Variants in UGT2B11 observed in about 807,000 individuals in gnomAD.
UGT2B11 encodes UDP glucuronosyltransferase family 2 member B11.
UGT2B11 carries 49 observed loss-of-function variants against 51.7 expected under a neutral mutation model. The ratio of observed to expected loss-of-function variants is 0.95; its 90% CI spans 0.75 to 1.20. UGT2B11 has a LOEUF of 1.20. UGT2B11 is among the 50% of genes most tolerant of loss of function. The pLI, the probability that UGT2B11 is intolerant of heterozygous loss-of-function variation, is 0.00. For missense variants in UGT2B11, 810 were observed against 622.1 expected, an observed-to-expected ratio of 1.30 and a Z score of -3.21; for synonymous variants, 273 against 209.0, an observed-to-expected ratio of 1.31 and a Z score of -2.64.
intron 5 of UGT2B11, among the ~76,000 whole-genome samples, 187 bp from the exon 6 acceptor site, chr4:69,200,906 G>C (rs1479658842): frequency 6.6e-6 from 1 of 151,150 alleles, no homozygotes; most frequent in Non-Finnish European, 1.5e-5. Flanking sequence ...TTTTCTCATT[G>C]ACAAACATTT....
the UGT2B11 span, among the ~76,000 whole-genome samples, chr4:69,222,848 G>A: frequency 6.6e-6 from 1 of 152,140 alleles, no homozygotes; most frequent in East Asian, 1.9e-4. Context: ...CATAGTTTGG[G>A]TGCCTTATAA....
In UGT2B11 at chr4:69,214,256, C is replaced by G; in HGVS notation, c.467G>C (p.Cys156Ser). Residue 156 changes from cysteine to serine, a missense_variant, in exon 1 of 6, where the codon TGT (cysteine) becomes TCT (serine). Physicochemically the swap from Cys to Ser is moderately radical, Grantham distance 112 (BLOSUM62 -1). Coordinates refer to ENST00000446444, the MANE Select transcript of UGT2B11 (RefSeq NM_001073.3). ...AAGTAGCGCAGCCAGCAGCTCACCA[C>G]AGGGAAAAACAGCATCTGCAAAAAC... The part of the protein sequence containing the change: ...DIVFADAVFP[C>S]GELLAALLNI... 6.2e-7 allele frequency: 1 copy of G among 1,613,226 alleles called. No individual in the cohort carries two copies. The highest frequency in any genetic ancestry group is 1.1e-5 in the South Asian group (1 of 91,062).
chr4:69,208,633 T>C (rs1200473661), intron 2 of UGT2B11, 151 bp from the exon 3 acceptor site: 30 of 1,420,222 alleles, frequency 2.1e-5, no homozygotes, highest in Admixed American at 7.6e-5. Flanking sequence ...TTCAGTTTCT[T>C]TGCAAGAAGA....
the UGT2B11 span, among the ~76,000 whole-genome samples, chr4:69,223,463 T>G: frequency 6.6e-6 from 1 of 152,192 alleles, no homozygotes; most frequent in Non-Finnish European, 1.5e-5. Flanking sequence ...AAACTTCCGT[T>G]GTCCCTGCTG....
intron 3 of UGT2B11, among the ~76,000 whole-genome samples, chr4:69,207,004 C>A (rs1387368244): frequency 6.6e-6 from 1 of 151,536 alleles, no homozygotes; most frequent in Non-Finnish European, 1.5e-5. Flanking sequence ...CACTATTTCC[C>A]AGAAAAATTT....
chr4:69,218,549 G>A (rs1250570099), upstream of UGT2B11, among the ~76,000 whole-genome samples: 11 of 152,150 alleles, frequency 7.2e-5, no homozygotes, highest in East Asian at 2.1e-3. Flanking sequence ...AATAATAGAA[G>A]AGTGAGGACT....
upstream of UGT2B11, chr4:69,214,814 C>G (rs1577968080): frequency 6.6e-6 from 10 of 1,519,506 alleles, no homozygotes; most frequent in East Asian, 2.3e-4. Context: ...TATAACTCCT[C>G]CAATCCAAAG....
intron 5 of UGT2B11, among the ~76,000 whole-genome samples, chr4:69,201,746 G>T (rs112842704): frequency 6.6e-6 from 1 of 151,512 alleles, no homozygotes; most frequent in African/African-American, 2.4e-5. Context: ...TCTATTTTCT[G>T]TCCTTATTTT....
chr4:69,208,899 T>G (rs13113479), intron 2 of UGT2B11, among the ~76,000 whole-genome samples: 152 of 144,332 alleles, frequency 1.1e-3, no homozygotes, highest in South Asian at 1.8e-3. Context: ...ATTTCAGGCA[T>G]GTTTTCTGTA....
At chr4:69,216,705 A>G (rs1299733734), upstream of UGT2B11, 1 of 151,850 alleles carries the variant, frequency 6.6e-6, no homozygotes, top group Non-Finnish European at 1.5e-5. Context: ...TCAATGTCAC[A>G]ATGATTTAAG....
intron 1 of UGT2B11, 112 bp from the exon 2 acceptor site, chr4:69,212,833 T>TATATA (rs1722124591): frequency 1.8e-6 from 2 of 1,085,322 alleles, no homozygotes; most frequent in African/African-American, 3.4e-5. Flanking sequence ...GTTTATGTGC[T>TATATA]TTGAAAAATA....
chr4:69,202,597 A>T (rs1375859413), intron 5 of UGT2B11, among the ~76,000 whole-genome samples: 2 of 151,684 alleles, frequency 1.3e-5, no homozygotes, highest in African/African-American at 4.8e-5. Context: ...TGTGTATTGT[A>T]TATGTATATA....
At chr4:69,201,048 A>G (rs1413835339) in intron 5 of UGT2B11, 3 of 189,046 alleles carry the variant, frequency 1.6e-5, no homozygotes, top group South Asian at 2.8e-4. Flanking sequence ...ATATATTTAT[A>G]GGGTACATGA....
upstream of UGT2B11, chr4:69,214,911 T>G (rs947398527): frequency 1.3e-4 from 118 of 941,114 alleles, no homozygotes; most frequent in African/African-American, 2.7e-4. Flanking sequence ...AAGGATGTTT[T>G]ATGTTTCTTT....
At chr4:69,223,376 A>G in the UGT2B11 span, among the ~76,000 whole-genome samples, 1 of 152,322 alleles carries the variant, frequency 6.6e-6, no homozygotes, top group Non-Finnish European at 1.5e-5. Context: ...GGTCAGGCCC[A>G]GATGTGCTCA....
chr4:69,206,295 TAA>T (rs71204079), intron 3 of UGT2B11, among the ~76,000 whole-genome samples: 2 of 151,178 alleles, frequency 1.3e-5, no homozygotes, highest in African/African-American at 4.8e-5. Context: ...TATGCAGCCA[TAA>T]AAAAAACAAA....
chr4:69,204,456 T>G lies in UGT2B11; in HGVS notation c.1284A>C (p.Ala428=). 3 of 1,611,958 alleles carry G rather than the reference T, an allele frequency of 1.9e-6. No homozygotes were observed. Among genetic ancestry groups the G allele is most frequent in the Non-Finnish European group, 2.5e-6 (3 of 1,178,616 alleles). ...AAGGATCATTAATTACTGTCTTCAG[T>G]GCATTCAGCAGGTCTGTACTCGACA... ...NTMSSTDLLN[A]LKTVINDPLY... is the part of the protein sequence containing the mutation. Residue 428 remains alanine (A), a synonymous_variant, in exon 5 of 6, where the codon GCA becomes GCC. Coordinates refer to ENST00000446444, the MANE Select transcript of UGT2B11 (RefSeq NM_001073.3).
At chr4:69,221,081 A>G in the UGT2B11 span, among the ~76,000 whole-genome samples, 1 of 152,124 alleles carries the variant, frequency 6.6e-6, no homozygotes. Context: ...GTATAAGGAG[A>G]CTTTGTAACT....
chr4:69,203,784 A>G (rs1474142861), intron 5 of UGT2B11, among the ~76,000 whole-genome samples: 1 of 151,758 alleles, frequency 6.6e-6, no homozygotes, highest in Non-Finnish European at 1.5e-5. Context: ...TATATGAAAT[A>G]TCTAGAGAGA....
Sources: allele counts gnomAD v4.1 joint callset (sites outside exome capture counted in the v4.1 genomes callset), GRCh38; gene constraint gnomAD v4.1.1; transcripts MANE v1.5; gene names NCBI Gene and HGNC (gene_info 2026-07-23, HGNC 2026-07-21).